Variants in RBFOX1 observed in about 807,000 individuals in gnomAD.
The protein encoded by RBFOX1 is RNA binding protein fox-1 homolog 1.
A neutral mutation model predicts 57.7 loss-of-function variants in RBFOX1; 8 were observed. The observed-to-expected ratio is 0.14, with a 90% CI of 0.08 to 0.25. The LOEUF is 0.25. RBFOX1 is among the 10% of genes least tolerant of loss of function. The pLI is 1.00. For missense variants in RBFOX1, 611 were observed against 548.5 expected, an observed-to-expected ratio of 1.11 and a Z score of -1.14; for synonymous variants, 326 against 222.4, an observed-to-expected ratio of 1.47 and a Z score of -4.15.
intron 4 of RBFOX1, among the ~76,000 whole-genome samples, chr16:5,909,511 C>T (rs2058559363): frequency 6.6e-6 from 1 of 152,228 alleles, no homozygotes; most frequent in Non-Finnish European, 1.5e-5. Context: ...TCAGCACCTC[C>T]ACCATCAACT....
chr16:5,481,592 A>G (rs2069543793), intron 2 of RBFOX1, among the ~76,000 whole-genome samples: 1 of 152,092 alleles, frequency 6.6e-6, no homozygotes, highest in Non-Finnish European at 1.5e-5. Context: ...GATCATGGCT[A>G]TTTGTCCTGT....
intron 2 of RBFOX1, among the ~76,000 whole-genome samples, chr16:6,548,354 G>A (rs1330714157): frequency 6.6e-6 from 1 of 152,148 alleles, no homozygotes; most frequent in Non-Finnish European, 1.5e-5. Context: ...GAATTCCAAA[G>A]GCGGAGGTCT....
At chr16:7,222,299 C>T (rs1035302794) in intron 4 of RBFOX1, among the ~76,000 whole-genome samples, 2 of 152,162 alleles carry the variant, frequency 1.3e-5, no homozygotes, top group South Asian at 2.1e-4. Flanking sequence ...CTACACTAGA[C>T]AGGCAAGCAG....
chr16:6,882,350 A>G (rs1027518997), intron 3 of RBFOX1, among the ~76,000 whole-genome samples: 12 of 152,154 alleles, frequency 7.9e-5, no homozygotes, highest in South Asian at 2.1e-4. Flanking sequence ...AGCAGTGAGC[A>G]GTATAATTAC....
chr16:6,295,050 ACT>A (rs1447220933), intron 1 of RBFOX1, among the ~76,000 whole-genome samples: 1 of 139,038 alleles, frequency 7.2e-6, no homozygotes, highest in Non-Finnish European at 1.5e-5. Context: ...TCTTTCTCCC[ACT>A]CTCTCTCCTC....
At chr16:7,470,261 G>C (rs1331136044) in intron 4 of RBFOX1, among the ~76,000 whole-genome samples, 2 of 152,166 alleles carry the variant, frequency 1.3e-5, no homozygotes, top group Non-Finnish European at 2.9e-5. Flanking sequence ...TCTCACACTA[G>C]ACTTCCACAT....
At chr16:6,699,957 C>T (rs2061581576) in intron 3 of RBFOX1, among the ~76,000 whole-genome samples, 1 of 152,126 alleles carries the variant, frequency 6.6e-6, no homozygotes, top group South Asian at 2.1e-4. Context: ...TGCATCAAAA[C>T]ATAATTTGCC....
intron 4 of RBFOX1, among the ~76,000 whole-genome samples, chr16:7,215,984 A>T (rs887773726): frequency 6.6e-6 from 1 of 152,104 alleles, no homozygotes; most frequent in Non-Finnish European, 1.5e-5. Context: ...CGGCCTCCCA[A>T]AGTGCTGAGA....
chr16:6,505,717 C>T (rs1275722547), intron 2 of RBFOX1, among the ~76,000 whole-genome samples: 1 of 152,308 alleles, frequency 6.6e-6, no homozygotes, highest in African/African-American at 2.4e-5. Flanking sequence ...CTCTTTGGTA[C>T]AGACTAAAAA....
intron 5 of RBFOX1, among the ~76,000 whole-genome samples, chr16:7,537,292 T>C (rs1381272176): frequency 6.6e-6 from 1 of 152,242 alleles, no homozygotes; most frequent in Non-Finnish European, 1.5e-5. Flanking sequence ...GCCAGAGCTC[T>C]CTGTAATATA....
chr16:5,704,419 G>A (rs766235386), intron 3 of RBFOX1, among the ~76,000 whole-genome samples: 4 of 152,086 alleles, frequency 2.6e-5, no homozygotes, highest in East Asian at 1.9e-4. Context: ...GGGAGTGGTG[G>A]GGTGTGATTT....
intron 4 of RBFOX1, among the ~76,000 whole-genome samples, chr16:7,208,703 G>A (rs578041722): frequency 4.5e-4 from 69 of 152,120 alleles, no homozygotes; most frequent in Non-Finnish European, 9.0e-4. Flanking sequence ...TGGGCATGAT[G>A]GCATATACCT....
intron 15 of RBFOX1, 175 bp from the exon 16 acceptor site, chr16:7,710,448 G>C (rs1468728148): frequency 4.9e-6 from 7 of 1,437,416 alleles, no homozygotes; most frequent in East Asian, 5.3e-5. Flanking sequence ...GGAGCTATTG[G>C]GGAAGGTCAG....
chr16:5,748,180 T>A (rs1417148082), intron 3 of RBFOX1, among the ~76,000 whole-genome samples: 1 of 152,002 alleles, frequency 6.6e-6, no homozygotes, highest in Admixed American at 6.6e-5. Context: ...TGTAGTTGAG[T>A]GGTTTTGAGT....
At chr16:7,567,284 T>TATAA (rs55869209) in intron 5 of RBFOX1, among the ~76,000 whole-genome samples, 1 of 129,184 alleles carries the variant, frequency 7.7e-6, no homozygotes, top group Admixed American at 8.3e-5. Flanking sequence ...TATATCCCTA[T>TATAA]ATATCCTTAT....
At chr16:5,759,032 A>G (rs985718421) in intron 3 of RBFOX1, among the ~76,000 whole-genome samples, 3 of 152,234 alleles carry the variant, frequency 2.0e-5, no homozygotes, top group Non-Finnish European at 4.4e-5. Context: ...CAAATTCATG[A>G]AACCTCCATT....
intron 1 of RBFOX1, among the ~76,000 whole-genome samples, chr16:6,177,978 A>C (rs2097026806): frequency 6.6e-6 from 1 of 151,280 alleles, no homozygotes; most frequent in South Asian, 2.1e-4. Flanking sequence ...GCCATTTAAC[A>C]TTTTGGATAC....
chr16:7,195,621 G>A (rs1037662449), intron 4 of RBFOX1, among the ~76,000 whole-genome samples: 1 of 152,106 alleles, frequency 6.6e-6, no homozygotes, highest in African/African-American at 2.4e-5. Context: ...GCAGTGGTGG[G>A]ATCTCAACTC....
chr16:7,188,851 G>A (rs2084593506), intron 4 of RBFOX1, among the ~76,000 whole-genome samples: 1 of 152,156 alleles, frequency 6.6e-6, no homozygotes, highest in African/African-American at 2.4e-5. Context: ...AAATTTTGGA[G>A]TTGGAAAGGA....
Sources: gnomAD v4.1 joint callset for allele counts (sites outside exome capture counted in the v4.1 genomes callset) on GRCh38, gnomAD v4.1.1 for gene constraint, MANE v1.5 for transcripts, NCBI Gene and HGNC (gene_info 2026-07-23, HGNC 2026-07-21) for gene names.